SPG7: variants seen among roughly 807,000 people sequenced by gnomAD.
The protein encoded by SPG7 is SPG7 matrix AAA peptidase subunit, paraplegin.
In SPG7, 103 loss-of-function variants were observed where a neutral mutation model predicts 81.9. The observed-to-expected ratio is 1.26, with a 90% CI of 1.07 to 1.48. The LOEUF is 1.48. SPG7 is among the 40% of genes most tolerant of loss of function. The pLI is 0.00. For missense variants in SPG7, 1,241 were observed against 1,087.3 expected, an observed-to-expected ratio of 1.14 and a Z score of -1.99; for synonymous variants, 534 against 444.2, an observed-to-expected ratio of 1.20 and a Z score of -2.54.
chr16:89,508,878 T>C (rs762718809), intron 1 of SPG7: 5 of 638,922 alleles, frequency 7.8e-6, no homozygotes, highest in South Asian at 7.5e-5. Context: ...TCTCCGCCCG[T>C]CTTCCTCGCC....
chr16:89,544,062 C>A (rs2058533463), intron 9 of SPG7: 1 of 175,018 alleles, frequency 5.7e-6, no homozygotes, highest in Non-Finnish European at 1.2e-5. Flanking sequence ...TTACGAGCAT[C>A]CAGTCAGGTG....
intron 9 of SPG7, chr16:89,544,440 A>G (rs866061671): frequency 1.8e-4 from 103 of 588,546 alleles, no homozygotes; most frequent in African/African-American, 1.7e-3. Context: ...GCACTTGTCA[A>G]AATAGGCAAA....
chr16:89,550,866 A>G (rs538439157), intron 13 of SPG7, among the ~76,000 whole-genome samples: 1 of 152,316 alleles, frequency 6.6e-6, no homozygotes, highest in East Asian at 1.9e-4. Flanking sequence ...TGGTGCTGCT[A>G]CTGGGGTGAC....
intron 13 of SPG7, 127 bp from the exon 14 acceptor site, chr16:89,552,852 A>C (rs1193526164): frequency 1.2e-6 from 1 of 842,174 alleles, no homozygotes; most frequent in East Asian, 2.6e-5. Context: ...GTTGTTGTAG[A>C]GGATGCTGCA....
chr16:89,509,331 A>C (rs544155304), intron 1 of SPG7, among the ~76,000 whole-genome samples: 13 of 151,110 alleles, frequency 8.6e-5, no homozygotes, highest in Non-Finnish European at 1.6e-4. Flanking sequence ...GCTCACTGCA[A>C]CCTCCGCCTC....
intron 2 of SPG7, among the ~76,000 whole-genome samples, chr16:89,512,241 A>G (rs1452112598): frequency 6.7e-6 from 1 of 150,164 alleles, no homozygotes; most frequent in Admixed American, 6.7e-5. Flanking sequence ...ATTTGTTCAG[A>G]TTTTGAGACA....
At chr16:89,549,235 A>G (rs372693387) in intron 12 of SPG7, 27 of 457,000 alleles carry the variant, frequency 5.9e-5, no homozygotes, top group Middle Eastern at 6.5e-4. Context: ...AAGAAAATAC[A>G]TGACGTACTT....
chr16:89,514,243 T>C (rs2152395260), intron 3 of SPG7: 1 of 151,670 alleles, frequency 6.6e-6, no homozygotes, highest in African/African-American at 2.4e-5. Flanking sequence ...TACAAAATTG[T>C]TCTGAATTGA....
At chr16:89,518,859 A>C (rs1249026927) in intron 3 of SPG7, 1 of 152,018 alleles carries the variant, frequency 6.6e-6, no homozygotes, top group South Asian at 2.1e-4. Context: ...GTGTCATGGG[A>C]TGACCCCGGG....
intron 3 of SPG7, chr16:89,523,153 T>G (rs1370002043): frequency 6.2e-6 from 1 of 160,490 alleles, no homozygotes; most frequent in Non-Finnish European, 1.4e-5. Context: ...GGAAGGTAAT[T>G]TAGAAGAATT....
At chr16:89,525,611 C>T (rs865967866) in intron 4 of SPG7, among the ~76,000 whole-genome samples, 6 of 152,116 alleles carry the variant, frequency 3.9e-5, no homozygotes, top group Non-Finnish European at 8.8e-5. Flanking sequence ...GGGGTGTTGC[C>T]GTCCAGTCAT....
At chr16:89,556,349 A>G (rs1441221557) in intron 16 of SPG7, 4 of 340,412 alleles carry the variant, frequency 1.2e-5, no homozygotes, top group Non-Finnish European at 1.6e-5. Flanking sequence ...CTGCCTTCAC[A>G]GAAACCAGTG....
At chr16:89,517,408 A>G (rs1223511622) in intron 3 of SPG7, 3 of 152,272 alleles carry the variant, frequency 2.0e-5, no homozygotes, top group African/African-American at 4.8e-5. Flanking sequence ...AGGCAAAGCC[A>G]TGGCAGCTTC....
intron 4 of SPG7, among the ~76,000 whole-genome samples, chr16:89,525,253 C>T (rs2058245294): frequency 6.6e-6 from 1 of 152,206 alleles, no homozygotes; most frequent in Non-Finnish European, 1.5e-5. Flanking sequence ...AGGCGTCAGC[C>T]ACCACGCCTG....
chr16:89,554,220 G>A (rs1446290104), intron 15 of SPG7, among the ~76,000 whole-genome samples: 1 of 148,574 alleles, frequency 6.7e-6, no homozygotes, highest in Non-Finnish European at 1.5e-5. Flanking sequence ...ATAGACCCAG[G>A]GCCCACATGT....
At chr16:89,533,648 A>G (rs1272549270) in intron 9 of SPG7, 1 of 152,172 alleles carries the variant, frequency 6.6e-6, no homozygotes, top group African/African-American at 2.4e-5. Context: ...AGGGCGGAGC[A>G]GAGCATCAGG....
In SPG7 at chr16:89,531,947, G is replaced by A. The variant is rs754919982; in HGVS notation, c.1031G>A (p.Gly344Asp). Residue 344 changes from glycine to aspartate, a missense_variant, in exon 8 of 17, where the codon GGC becomes GAC. Physicochemically the swap from Gly to Asp is moderately conservative, Grantham distance 94 (BLOSUM62 -1). Coordinates refer to ENST00000645818, the MANE Select transcript of SPG7 (RefSeq NM_003119.4). ...FLQLGAKVPK[G>D]ALLLGPPGCG... The stretch of plus-strand genomic sequence containing the variant: ...CAGCTTGGCGCCAAGGTCCCAAAGG[G>A]CGCACTGCTGCTCGGCCCCCCCGGC... The A allele has an allele frequency of 9.3e-6, 15 of 1,614,126 alleles. No homozygotes were observed. The highest frequency in any genetic ancestry group is 1.7e-4 in the Middle Eastern group (1 of 6,060).
intron 3 of SPG7, chr16:89,518,590 G>T (rs1469723177): frequency 6.6e-6 from 1 of 152,116 alleles, no homozygotes; most frequent in African/African-American, 2.4e-5. Flanking sequence ...AACCCAGAAG[G>T]AATTACACGG....
intron 3 of SPG7, among the ~76,000 whole-genome samples, chr16:89,514,017 G>C (rs1344680245): frequency 6.6e-6 from 1 of 152,034 alleles, no homozygotes; most frequent in East Asian, 1.9e-4. Context: ...CCAAGGCCAG[G>C]GACAGCTTTA....
Sources: gnomAD v4.1 joint callset for allele counts (sites outside exome capture counted in the v4.1 genomes callset) on GRCh38, gnomAD v4.1.1 for gene constraint, MANE v1.5 for transcripts, NCBI Gene and HGNC (gene_info 2026-07-23, HGNC 2026-07-21) for gene names.